The following TRDN variants were observed in gnomAD, a reference collection of about 807,000 sequenced individuals.
TRDN encodes the protein triadin in skeletal muscle.
In TRDN, 161 loss-of-function variants were observed where a neutral mutation model predicts 149.7. The observed-to-expected ratio is 1.08, with a 90% CI of 0.95 to 1.23. The LOEUF is 1.23. Ranked by LOEUF, TRDN falls within the 50% of genes most tolerant of loss-of-function variation. The pLI is 0.00. For missense variants in TRDN, 896 were observed against 823.5 expected (o/e 1.09, Z -1.08); for synonymous variants, 294 against 250.5 (o/e 1.17, Z -1.64).
At chr6:123,441,377 A>G (rs1774876327) in intron 10 of TRDN, among the ~76,000 whole-genome samples, 1 of 152,154 alleles carries the variant, frequency 6.6e-6, no homozygotes, top group Non-Finnish European at 1.5e-5. Context: ...TTTGTTTGTA[A>G]CAGCTAGAGA....
At chr6:123,433,151 TATATATATATA>T (rs1353194411) in intron 12 of TRDN, among the ~76,000 whole-genome samples, 11,536 of 73,754 alleles carry the variant, frequency 0.16, 546 homozygotes, top group African/African-American at 0.2. Context: ...TAAATATATA[TATATATATATA>T]ATATATATAT....
At chr6:123,374,268 T>C (rs1389066404) in intron 19 of TRDN, among the ~76,000 whole-genome samples, 1 of 152,128 alleles carries the variant, frequency 6.6e-6, no homozygotes, top group Non-Finnish European at 1.5e-5. Flanking sequence ...TTTTTTTTTA[T>C]TGCAAATGAA....
intron 12 of TRDN, among the ~76,000 whole-genome samples, chr6:123,404,967 T>G (rs181544665): frequency 3.9e-5 from 6 of 152,256 alleles, no homozygotes; most frequent in Non-Finnish European, 8.8e-5. Flanking sequence ...AGATCTAAAC[T>G]TAAATTGGTA....
intron 32 of TRDN, among the ~76,000 whole-genome samples, chr6:123,267,344 A>G (rs1311261623): frequency 6.6e-6 from 1 of 152,052 alleles, no homozygotes; most frequent in African/African-American, 2.4e-5. Context: ...GAAATTCACA[A>G]TTTGTGAAAT....
At chr6:123,532,958 T>A (rs1004026746) in intron 4 of TRDN, among the ~76,000 whole-genome samples, 2 of 152,012 alleles carry the variant, frequency 1.3e-5, no homozygotes, top group Non-Finnish European at 2.9e-5. Flanking sequence ...TTCTCTCCTG[T>A]CAATACTGTT....
intron 19 of TRDN, among the ~76,000 whole-genome samples, chr6:123,369,868 C>G (rs1336772067): frequency 6.6e-6 from 1 of 152,088 alleles, no homozygotes; most frequent in Non-Finnish European, 1.5e-5. Flanking sequence ...GCTCCCTCAT[C>G]AGTTTTCTCC....
chr6:123,308,743 A>G lies in TRDN; in HGVS notation c.1510+7714T>C, dbSNP rs1323045039. On this transcript the variant is annotated intron_variant, in intron 24 of 40. Transcript: ENST00000334268. ...TAGTTATACAGAACTAATGTCATCA[A>G]CACCTATTATTTTCATATGAAACAG... is the stretch of plus-strand genomic sequence containing the variant. 3.3e-5 allele frequency among the ~76,000 whole-genome samples: 5 copies of G among 152,134 alleles called. No individual in the cohort carries two copies. In the East Asian group the frequency reaches 7.7e-4, roughly 24 times the overall value.
At chr6:123,452,179 G>A (rs1232234224) in intron 10 of TRDN, among the ~76,000 whole-genome samples, 3 of 151,962 alleles carry the variant, frequency 2.0e-5, no homozygotes, top group Admixed American at 2.0e-4. Flanking sequence ...CCCTCTGAGA[G>A]CTGGAACAAG....
At position 123,349,503 on chromosome 6, in the gene TRDN, T is replaced by G. The variant is rs1780374097; in HGVS notation, c.1369+3036A>C. On this transcript the variant is annotated intron_variant, in intron 21 of 40. Coordinates refer to ENST00000334268, the MANE Select transcript of TRDN (RefSeq NM_006073.4). ...AATATTATCATAATTTAACATTTAT[T>G]GAGGGTCAACAGCATGACTTAGTCA... 6.7e-6 allele frequency: 6 copies of G among 897,520 alleles called. No individual in the cohort carries two copies. In the South Asian group the frequency reaches 3.1e-4, roughly 46 times the overall value. 55.6% of individuals were successfully genotyped at this position (897,520 alleles called of 1,614,324 possible).
At chr6:123,499,719 A>AATATATATAT (rs71272328) in intron 8 of TRDN, among the ~76,000 whole-genome samples, 10 of 47,658 alleles carry the variant, frequency 2.1e-4, no homozygotes, top group Non-Finnish European at 4.0e-4. Flanking sequence ...AAAAAAAAAA[A>AATATATATAT]ATATATATAT....
At chr6:123,284,547 C>T (rs1187017993) in intron 24 of TRDN, among the ~76,000 whole-genome samples, 1 of 152,084 alleles carries the variant, frequency 6.6e-6, no homozygotes, top group East Asian at 1.9e-4. Context: ...CACAAACCCA[C>T]AGCCAGCGTA....
intron 5 of TRDN, among the ~76,000 whole-genome samples, chr6:123,522,221 A>C (rs769304407): frequency 1.6e-4 from 25 of 152,118 alleles, no homozygotes; most frequent in Non-Finnish European, 3.2e-4. Flanking sequence ...TCTGCCGCCT[A>C]CCGGGCCATC....
chr6:123,471,924 A>T (rs1777175012), intron 9 of TRDN, among the ~76,000 whole-genome samples: 1 of 152,188 alleles, frequency 6.6e-6, no homozygotes, highest in African/African-American at 2.4e-5. Context: ...GGATATAACA[A>T]AAATAGATGC....
At chr6:123,394,645 T>C (rs1245652479) in intron 12 of TRDN, among the ~76,000 whole-genome samples, 1 of 152,150 alleles carries the variant, frequency 6.6e-6, no homozygotes, top group Non-Finnish European at 1.5e-5. Context: ...TGTTTAATGT[T>C]GATTTGATTT....
Position 123,477,361 on chromosome 6 carries a change from T to C in TRDN, c.854-12378A>G, listed in dbSNP as rs1176083006. ...AATACAAATCAAAACCACAATGAGATACCATCTCACACCAGTTAGAATGGC... is the reference window on the plus strand; with the variant it reads ...AATACAAATCAAAACCACAATGAGACACCATCTCACACCAGTTAGAATGGC... On this transcript the variant is annotated intron_variant, in intron 9 of 40. Transcript: ENST00000334268. Among the ~76,000 whole-genome samples, 6 of 146,216 alleles carry C rather than the reference T, an allele frequency of 4.1e-5. 1 individual carries two copies. The highest frequency in any genetic ancestry group is 2.4e-4 in the South Asian group (1 of 4,188).
chr6:123,255,254 A>T (rs1379505810), intron 36 of TRDN, 129 bp from the exon 37 acceptor site: 4 of 409,074 alleles, frequency 9.8e-6, no homozygotes, highest in Non-Finnish European at 1.7e-5. Context: ...GTTTTCAAAA[A>T]TTTTTCTATC....
intron 12 of TRDN, among the ~76,000 whole-genome samples, chr6:123,435,462 TA>T (rs1236446567): frequency 6.6e-6 from 1 of 151,806 alleles, no homozygotes; most frequent in Non-Finnish European, 1.5e-5. Context: ...AGAAACGAGT[TA>T]AAAACTAGCA....
chr6:123,359,279 G>T (rs1450506539), intron 20 of TRDN, among the ~76,000 whole-genome samples: 2 of 152,142 alleles, frequency 1.3e-5, no homozygotes, highest in Non-Finnish European at 2.9e-5. Context: ...AGCATTATAG[G>T]ATTGTTGTAG....
intron 21 of TRDN, among the ~76,000 whole-genome samples, chr6:123,343,374 C>A (rs773296043): frequency 4.6e-5 from 7 of 151,734 alleles, no homozygotes; most frequent in Non-Finnish European, 1.0e-4. Context: ...AAATGGAAAT[C>A]CTGTCCTAAA....
Sources: allele counts gnomAD v4.1 joint callset (sites outside exome capture counted in the v4.1 genomes callset), GRCh38; gene constraint gnomAD v4.1.1; transcripts MANE v1.5; gene names NCBI Gene and HGNC (gene_info 2026-07-23, HGNC 2026-07-21).